Variants in DRC8 observed in about 807,000 individuals in gnomAD.
DRC8 encodes the protein dynein regulatory complex protein 8.
the DRC8 span, among the ~76,000 whole-genome samples, chr1:245,060,294 A>C: frequency 7.9e-5 from 12 of 152,354 alleles, no homozygotes; most frequent in South Asian, 2.1e-4. Flanking sequence ...CCATAATAAT[A>C]ACTACTTCAA....
the DRC8 span, among the ~76,000 whole-genome samples, chr1:244,997,072 TAATGATAAGGAAAA>T: frequency 1.3e-5 from 2 of 152,228 alleles, no homozygotes; most frequent in Non-Finnish European, 2.9e-5. Context: ...GTTTAGGGAA[TAATGATAAGGAAAA>T]AAGACTGTAC....
chr1:245,024,245 C>T, the DRC8 span, among the ~76,000 whole-genome samples: 4 of 152,000 alleles, frequency 2.6e-5, no homozygotes, highest in South Asian at 2.1e-4. Context: ...TACTAATGGA[C>T]GTTTAAGTTG....
At chr1:245,060,394 A>C in the DRC8 span, among the ~76,000 whole-genome samples, 1 of 152,256 alleles carries the variant, frequency 6.6e-6, no homozygotes, top group African/African-American at 2.4e-5. Context: ...GGAAGATTAG[A>C]AAGATGAGTC....
the DRC8 span, among the ~76,000 whole-genome samples, chr1:245,005,577 G>C: frequency 6.6e-6 from 1 of 152,098 alleles, no homozygotes; most frequent in Non-Finnish European, 1.5e-5. Context: ...TCCTGGCCTT[G>C]AGTGATCTGC....
chr1:245,049,215 C>T, the DRC8 span, among the ~76,000 whole-genome samples: 1 of 152,146 alleles, frequency 6.6e-6, no homozygotes, highest in Admixed American at 6.6e-5. This position sits in a 1 kb window ranked among gnomAD's most constrained non-coding sequence, Gnocchi z 4.5. Context: ...CAACTCCTGG[C>T]CTCAAGTGAT....
At chr1:244,970,617 G>A in the DRC8 span, 3 of 613,124 alleles carry the variant, frequency 4.9e-6, no homozygotes, top group Non-Finnish European at 7.0e-6. Context: ...CCCCGTCCCC[G>A]TAGCCCGCCC....
chr1:245,016,010 G>C, the DRC8 span, among the ~76,000 whole-genome samples: 1 of 52,514 alleles, frequency 1.9e-5, no homozygotes, highest in African/African-American at 7.6e-5. Context: ...TTTTGTTCTT[G>C]TTGCCCAGGC....
chr1:244,995,115 C>T, the DRC8 span, among the ~76,000 whole-genome samples: 3 of 152,200 alleles, frequency 2.0e-5, no homozygotes, highest in South Asian at 6.2e-4. Flanking sequence ...GTCATCCCCA[C>T]ACTTTGGGAG....
chr1:244,978,322 C>T, the DRC8 span, among the ~76,000 whole-genome samples: 4 of 151,980 alleles, frequency 2.6e-5, no homozygotes, highest in Non-Finnish European at 4.4e-5. Flanking sequence ...GGGAAAACCC[C>T]GTCTCTATTA....
At chr1:245,091,162 G>GA in the DRC8 span, 1 of 152,344 alleles carries the variant, frequency 6.6e-6, no homozygotes, top group African/African-American at 2.4e-5. Flanking sequence ...GACGGAGGAG[G>GA]AAAGGAGTGT....
the DRC8 span, among the ~76,000 whole-genome samples, chr1:245,098,602 A>G: frequency 6.6e-6 from 1 of 152,226 alleles, no homozygotes; most frequent in Non-Finnish European, 1.5e-5. Context: ...CTGGACTCAC[A>G]TAGACTAGAA....
the DRC8 span, among the ~76,000 whole-genome samples, chr1:244,977,968 C>T: frequency 1.3e-5 from 2 of 152,016 alleles, no homozygotes; most frequent in Non-Finnish European, 2.9e-5. Flanking sequence ...ATGATGATAG[C>T]AGGGTGATTA....
the DRC8 span, among the ~76,000 whole-genome samples, chr1:245,098,075 T>A: frequency 6.6e-6 from 1 of 152,000 alleles, no homozygotes; most frequent in African/African-American, 2.4e-5. Flanking sequence ...TGGTGGATAG[T>A]GAAAGGCGGT....
At chr1:244,977,729 T>C in the DRC8 span, among the ~76,000 whole-genome samples, 2 of 152,166 alleles carry the variant, frequency 1.3e-5, no homozygotes, top group Non-Finnish European at 2.9e-5. Context: ...AATATACTTC[T>C]GGATATTTAT....
chr1:245,013,291 A>G, the DRC8 span, among the ~76,000 whole-genome samples: 1 of 152,256 alleles, frequency 6.6e-6, no homozygotes, highest in Non-Finnish European at 1.5e-5. Flanking sequence ...TCAACTTTAC[A>G]GTATGAGAAG....
chr1:244,971,958 CAA>C, the DRC8 span, among the ~76,000 whole-genome samples: 490 of 107,190 alleles, frequency 4.6e-3, 5 homozygotes, highest in African/African-American at 0.016. Flanking sequence ...TGTTCTTTAC[CAA>C]AAAAAAAAAA....
chr1:245,093,350 C>T, the DRC8 span, among the ~76,000 whole-genome samples: 1 of 152,054 alleles, frequency 6.6e-6, no homozygotes, highest in African/African-American at 2.4e-5. Context: ...TTATTTACCT[C>T]ATCTAGTGGA....
At chr1:245,002,106 T>C in the DRC8 span, 6 of 1,583,596 alleles carry the variant, frequency 3.8e-6, no homozygotes, top group Non-Finnish European at 5.2e-6. Flanking sequence ...TCTTCATGTG[T>C]CTCCTTTATG....
chr1:245,079,219 C>G, the DRC8 span, among the ~76,000 whole-genome samples: 6 of 152,090 alleles, frequency 3.9e-5, no homozygotes, highest in South Asian at 1.2e-3. Context: ...GATACGGCCT[C>G]TAGAGGACAG....
Sources: gnomAD v4.1 joint callset for allele counts (sites outside exome capture counted in the v4.1 genomes callset) on GRCh38, gnomAD v4.1.1 for gene constraint, Gnocchi (gnomAD v3.1) non-coding constraint, MANE v1.5 for transcripts, NCBI Gene and HGNC (gene_info 2026-07-23, HGNC 2026-07-21) for gene names.